The following LRRC49 variants were observed in gnomAD, a reference collection of about 807,000 sequenced individuals.
LRRC49 encodes the protein leucine rich repeat containing 49.
LRRC49 carries 50 observed loss-of-function variants against 83.3 expected under a neutral mutation model. The observed-to-expected ratio is 0.60, with a 90% CI of 0.48 to 0.76. LRRC49 has a LOEUF of 0.76. Among genes scored for constraint, LRRC49 ranks in the 30% least tolerant of loss-of-function variants. The pLI is 0.00. For missense variants in LRRC49, 704 were observed against 809.1 expected, an observed-to-expected ratio of 0.87 and a Z score of 1.58; for synonymous variants, 286 against 283.3, an observed-to-expected ratio of 1.01 and a Z score of -0.10.
rs2040002519 is a variant in LRRC49, at chr15:71,052,131, C to G, written c.*2519C>G. 1 of 152,026 alleles carries G rather than the reference C, an allele frequency of 6.6e-6. No homozygotes were observed. Among genetic ancestry groups the G allele is most frequent in the Non-Finnish European group, 1.5e-5 (1 of 68,010 alleles). The allele number at this position is 152,026 out of a possible 1,614,324, so 9.4% of individuals were successfully genotyped here. A position where few individuals can be genotyped will look rare whatever the true frequency, so the allele number is the denominator to read the frequency against. ...CTGGGTTAGGGATCAAGTGAGGGTC[C>G]TATGTTGTAAGTGAGTGGTGATCTA... On this transcript the variant is annotated 3_prime_UTR_variant, in exon 16 of 16. Transcript: ENST00000260382.
chr15:70,896,170 C>A (rs946088997), intron 3 of LRRC49, among the ~76,000 whole-genome samples: 1 of 151,642 alleles, frequency 6.6e-6, no homozygotes. Flanking sequence ...GGGCTATACA[C>A]TAGAGAATGG....
At chr15:71,027,781 C>A (rs1049355649) in intron 14 of LRRC49, among the ~76,000 whole-genome samples, 1 of 152,140 alleles carries the variant, frequency 6.6e-6, no homozygotes, top group Non-Finnish European at 1.5e-5. Flanking sequence ...GTGATTTTTG[C>A]ACATTGATTT....
At chr15:70,873,671 C>T (rs1311549550) in intron 2 of LRRC49, among the ~76,000 whole-genome samples, 3 of 152,174 alleles carry the variant, frequency 2.0e-5, no homozygotes, top group African/African-American at 7.2e-5. Flanking sequence ...TGCTTCTCCA[C>T]ATGGAGTCTC....
intron 1 of LRRC49, 69 bp from the exon 2 acceptor site, chr15:70,893,513 CCT>C (rs2033679958): frequency 2.3e-6 from 2 of 859,702 alleles, no homozygotes; most frequent in East Asian, 2.6e-5. Flanking sequence ...TCTGTTTGTA[CCT>C]TTTTTTTTTT....
upstream of LRRC49, chr15:70,891,759 G>T: frequency 8.0e-7 from 1 of 1,247,832 alleles, no homozygotes; most frequent in Non-Finnish European, 1.1e-6. Context: ...TTCGAGATGA[G>T]GTGCCTTTCC....
chr15:71,004,154 C>T (rs2038367626), intron 11 of LRRC49, among the ~76,000 whole-genome samples: 1 of 152,160 alleles, frequency 6.6e-6, no homozygotes, highest in African/African-American at 2.4e-5. Flanking sequence ...AGGATAAAAT[C>T]TGACTTTTCA....
intron 11 of LRRC49, among the ~76,000 whole-genome samples, chr15:70,999,566 G>C (rs1336809497): frequency 6.6e-6 from 1 of 152,122 alleles, no homozygotes; most frequent in Non-Finnish European, 1.5e-5. Flanking sequence ...TTACCACTCT[G>C]CCTTAACCTT....
At chr15:70,988,059 T>C (rs778941700) in intron 11 of LRRC49, among the ~76,000 whole-genome samples, 23 of 151,920 alleles carry the variant, frequency 1.5e-4, no homozygotes, top group African/African-American at 4.4e-4. Context: ...CTTCCAACTA[T>C]GTGGTCAATT....
chr15:70,962,258 A>T (rs11857287), intron 8 of LRRC49, among the ~76,000 whole-genome samples: 44,331 of 152,038 alleles, frequency 0.29, 7,761 homozygotes, highest in Non-Finnish European at 0.39. Context: ...TCATTTGGTG[A>T]TGGATTAGAG....
intron 9 of LRRC49, among the ~76,000 whole-genome samples, chr15:70,979,244 A>G (rs2037315095): frequency 6.6e-6 from 1 of 152,096 alleles, no homozygotes; most frequent in African/African-American, 2.4e-5. Flanking sequence ...GTAAGATTTG[A>G]GTTAGGTGTT....
chr15:70,891,565 C>CTGTGTGTGTGTGTGTG (rs1491474980), upstream of LRRC49, among the ~76,000 whole-genome samples: 1 of 118,954 alleles, frequency 8.4e-6, no homozygotes, highest in Admixed American at 9.9e-5. Flanking sequence ...CAGGACAAGA[C>CTGTGTGTGTGTGTGTG]TCTGTGTGTG....
chr15:71,049,137 T>G (rs901796428), intron 15 of LRRC49, among the ~76,000 whole-genome samples: 1 of 152,182 alleles, frequency 6.6e-6, no homozygotes. Context: ...GTAGTTATGA[T>G]TCAACAATTC....
intron 8 of LRRC49, among the ~76,000 whole-genome samples, chr15:70,937,838 TG>T (rs1322528754): frequency 6.6e-6 from 1 of 152,202 alleles, no homozygotes; most frequent in African/African-American, 2.4e-5. Flanking sequence ...AAAGTTTTTT[TG>T]ATAGACTTTT....
intron 1 of LRRC49, among the ~76,000 whole-genome samples, chr15:70,857,311 G>A (rs1385903077): frequency 6.6e-6 from 1 of 152,102 alleles, no homozygotes; most frequent in Non-Finnish European, 1.5e-5. Flanking sequence ...CAAGGACTTG[G>A]AATAAGATAT....
chr15:70,892,616 C>G, upstream of LRRC49: 1 of 1,450,978 alleles, frequency 6.9e-7, no homozygotes, highest in Non-Finnish European at 9.0e-7. Context: ...CAGCCTCTTC[C>G]CCAGCTTATC....
chr15:70,859,501 C>A, intron 1 of LRRC49: 2 of 688,402 alleles, frequency 2.9e-6, no homozygotes, highest in Admixed American at 1.8e-5. Context: ...TTGCTGAGGT[C>A]AAGGTGCAGT....
intron 8 of LRRC49, among the ~76,000 whole-genome samples, chr15:70,948,721 G>A (rs1329317949): frequency 1.3e-5 from 2 of 152,046 alleles, no homozygotes; most frequent in Non-Finnish European, 2.9e-5. Context: ...TTTCTCCAAG[G>A]AGTTCTAATG....
At chr15:70,955,861 ATATAT>A (rs1396961951) in intron 8 of LRRC49, among the ~76,000 whole-genome samples, 1 of 152,148 alleles carries the variant, frequency 6.6e-6, no homozygotes, top group Non-Finnish European at 1.5e-5. Flanking sequence ...ATATTTGATC[ATATAT>A]TATACATCTT....
At chr15:70,857,292 G>T (rs2032677224) in intron 1 of LRRC49, among the ~76,000 whole-genome samples, 1 of 152,156 alleles carries the variant, frequency 6.6e-6, no homozygotes, top group South Asian at 2.1e-4. Flanking sequence ...TGGCACTACA[G>T]CTGGAAACCA....
Sources: gnomAD v4.1 joint callset for allele counts (sites outside exome capture counted in the v4.1 genomes callset) on GRCh38, gnomAD v4.1.1 for gene constraint, MANE v1.5 for transcripts, NCBI Gene and HGNC (gene_info 2026-07-23, HGNC 2026-07-21) for gene names.